The following WDR76 variants were observed in gnomAD, a reference collection of about 807,000 sequenced individuals.
The protein encoded by WDR76 is WD repeat domain 76.
In WDR76, 52 loss-of-function variants were observed where a neutral mutation model predicts 70.2. The observed-to-expected ratio is 0.74, with a 90% confidence interval of 0.59 to 0.93. The LOEUF is 0.93. Ranked by LOEUF, WDR76 falls within the 40% of genes least tolerant of loss-of-function variation. The pLI, the probability that WDR76 is intolerant of heterozygous loss-of-function variation, is 0.00. For missense variants in WDR76, 756 were observed against 760.2 expected, an observed-to-expected ratio of 0.99 and a Z score of 0.07; for synonymous variants, 292 against 271.1, an observed-to-expected ratio of 1.08 and a Z score of -0.76.
In WDR76 at chr15:43,836,189, A is replaced by G. The variant is rs1464754038; in HGVS notation, c.581A>G (p.Glu194Gly). The change falls in exon 4 of 13, where the codon GAG becomes GGG. Residue 194 changes from glutamate (E) to glycine (G), a missense_variant. Physicochemically the swap from Glu to Gly is moderately conservative, Grantham distance 98. Transcript: ENST00000263795. ...GCTGCAAGACTCCGTGAAATGATAGAGAAGAGACAGCCTCCTAAATCCAAA... is the reference window on the plus strand; with the variant it reads ...GCTGCAAGACTCCGTGAAATGATAGGGAAGAGACAGCCTCCTAAATCCAAA... Reference protein sequence around the residue: ...ESAARLREMIEKRQPPKSKRK... With the variant: ...ESAARLREMIGKRQPPKSKRK... 4 of 1,609,642 alleles carry G rather than the reference A, an allele frequency of 2.5e-6. No homozygotes were observed. The highest frequency in any genetic ancestry group is 3.4e-6 in the Non-Finnish European group (4 of 1,178,148).
At chr15:43,840,408 A>T (rs2141732238) in intron 5 of WDR76, among the ~76,000 whole-genome samples, 1 of 152,256 alleles carries the variant, frequency 6.6e-6, no homozygotes, top group African/African-American at 2.4e-5. Context: ...TTTCTCACAT[A>T]TTAGGGGCTT....
intron 2 of WDR76, among the ~76,000 whole-genome samples, chr15:43,833,813 T>C (rs2141724907): frequency 6.6e-6 from 1 of 151,978 alleles, no homozygotes; most frequent in Middle Eastern, 3.4e-3. Context: ...ATTTTTGTAT[T>C]TTTAGTAGAG....
intron 4 of WDR76, among the ~76,000 whole-genome samples, chr15:43,837,381 C>T (rs2087670096): frequency 6.6e-6 from 1 of 152,218 alleles, no homozygotes; most frequent in Non-Finnish European, 1.5e-5. Flanking sequence ...AACAGTAGCA[C>T]TGGTCCTGTT....
intron 2 of WDR76, among the ~76,000 whole-genome samples, chr15:43,833,492 G>T (rs911686412): frequency 6.7e-6 from 1 of 149,808 alleles, no homozygotes; most frequent in Non-Finnish European, 1.5e-5. Flanking sequence ...CTAATTTTTT[G>T]TATTTTTTAG....
At chr15:43,827,118 G>A in intron 1 of WDR76, 26 bp downstream of exon 1, 1 of 1,614,154 alleles carries the variant, frequency 6.2e-7, no homozygotes, top group African/African-American at 1.3e-5. Flanking sequence ...GTGCTTCCAA[G>A]GTGTGCTCCT....
Position 43,866,194 on chromosome 15 carries a change from CTG to C in WDR76, c.1687_1688del (p.Val563HisfsTer16), listed in dbSNP as rs774954167. On this transcript the variant is annotated frameshift_variant, in exon 13 of 13. Transcript: ENST00000263795. LOFTEE classifies it high-confidence loss of function. ...CCATGTGGGATCCTAAACAAGAAGA[CTG>C]TGTCATAGTTGGCAGCATGGCCCAT... is the stretch of plus-strand genomic sequence containing the variant. Reference protein sequence around the residue: ...QAMWDPKQEDCVIVGSMAHPR... With the variant: ...QAMWDPKQEDXVIVGSMAHPR... The C allele has an allele frequency of 3.7e-6, 6 of 1,614,064 alleles. No homozygotes were observed. The highest frequency in any genetic ancestry group is 1.6e-4 in the Middle Eastern group (1 of 6,084).
At chr15:43,849,129 C>T (rs1289968779) in intron 8 of WDR76, among the ~76,000 whole-genome samples, 7 of 143,222 alleles carry the variant, frequency 4.9e-5, no homozygotes, top group East Asian at 2.1e-4. Flanking sequence ...GAGCTGAGAT[C>T]GTGCCACTGC....
At chr15:43,846,893 A>G (rs375976802) in intron 8 of WDR76, among the ~76,000 whole-genome samples, 2 of 152,028 alleles carry the variant, frequency 1.3e-5, no homozygotes, top group East Asian at 2.0e-4. Flanking sequence ...ATGGTGGCAC[A>G]TGCCTGTAAT....
intron 4 of WDR76, among the ~76,000 whole-genome samples, chr15:43,836,868 T>TAAAAA (rs779650391): frequency 7.7e-6 from 1 of 129,132 alleles, no homozygotes; most frequent in Non-Finnish European, 1.7e-5. Flanking sequence ...CCATCGCTAC[T>TAAAAA]AAAAAAAAAA....
At chr15:43,861,672 T>TA (rs1283852484) in intron 12 of WDR76, among the ~76,000 whole-genome samples, 2 of 152,180 alleles carry the variant, frequency 1.3e-5, no homozygotes, top group African/African-American at 4.8e-5. Context: ...TTACTCATGT[T>TA]ATCTTATTAA....
In WDR76 at chr15:43,842,621, G is replaced by A; in HGVS notation, c.835-7G>A. ...ACTTAGTTCTTTCATCTCTCCCAAT[G>A]TTTCAGCCAAGTAGTAAGAACACTG... On this transcript the variant is annotated splice_region_variant and splice_polypyrimidine_tract_variant and intron_variant, in intron 6 of 12. Coordinates refer to ENST00000263795, the MANE Select transcript of WDR76 (RefSeq NM_024908.4). 1.2e-6 allele frequency: 2 copies of A among 1,609,302 alleles called. No individual in the cohort carries two copies. The highest frequency in any genetic ancestry group is 1.7e-6 in the Non-Finnish European group (2 of 1,178,502).
intron 8 of WDR76, among the ~76,000 whole-genome samples, chr15:43,845,032 G>A: frequency 7.2e-6 from 1 of 139,516 alleles, no homozygotes; most frequent in Non-Finnish European, 1.6e-5. Context: ...TGTGATCTCG[G>A]CTCACTGCAA....
chr15:43,842,423 A>G lies in WDR76; in HGVS notation c.741A>G (p.Leu247=). 6.2e-7 allele frequency: 1 copy of G among 1,612,996 alleles called. No homozygotes were observed. The highest frequency in any genetic ancestry group is 8.5e-7 in the Non-Finnish European group (1 of 1,179,630). ...PTLVADETPL[L]PPGPLEMTSE... ...TTTATTTTTTATAACAGCCTTTGTT[A>G]CCTCCTGGGCCTTTAGAAATGACTT... is the stretch of plus-strand genomic sequence containing the variant. Residue 247 remains leucine (L), a synonymous_variant, in exon 6 of 13, where the codon TTA becomes TTG. Coordinates refer to ENST00000263795, the MANE Select transcript of WDR76 (RefSeq NM_024908.4).
chr15:43,836,671 A>C (rs935210802), intron 4 of WDR76, among the ~76,000 whole-genome samples: 1 of 152,146 alleles, frequency 6.6e-6, no homozygotes, highest in African/African-American at 2.4e-5. Context: ...TATCTCATTT[A>C]ACTCTGACAA....
At chr15:43,829,500 T>C (rs1057074521) in intron 2 of WDR76, among the ~76,000 whole-genome samples, 401 of 11,512 alleles carry the variant, frequency 0.035, 4 homozygotes, top group African/African-American at 0.049. Flanking sequence ...GCATGGCCAC[T>C]TTTTTTTTTT....
chr15:43,838,219 T>G (rs1324920423), intron 4 of WDR76, among the ~76,000 whole-genome samples: 1 of 151,780 alleles, frequency 6.6e-6, no homozygotes, highest in African/African-American at 2.4e-5. Flanking sequence ...AGAGTCTTGC[T>G]CTGTTGCCCA....
intron 1 of WDR76, 136 bp downstream of exon 1, chr15:43,827,228 C>G (rs2087528688): frequency 9.8e-7 from 1 of 1,020,554 alleles, no homozygotes; most frequent in South Asian, 1.5e-5. Context: ...AGGCCTTCAG[C>G]TTTGACGAAA....
chr15:43,855,851 A>AG (rs2087920078), intron 9 of WDR76, among the ~76,000 whole-genome samples: 1 of 146,348 alleles, frequency 6.8e-6, no homozygotes, highest in Non-Finnish European at 1.5e-5. Context: ...TCTGTCTCAA[A>AG]AAAAAAAAAA....
chr15:43,837,986 C>T (rs1051221968), intron 4 of WDR76, among the ~76,000 whole-genome samples: 1 of 150,436 alleles, frequency 6.6e-6, no homozygotes, highest in African/African-American at 2.5e-5. Flanking sequence ...TGCCATTCTC[C>T]TGCCTCAGCC....
Sources: allele counts gnomAD v4.1 joint callset (sites outside exome capture counted in the v4.1 genomes callset), GRCh38; gene constraint gnomAD v4.1.1; transcripts MANE v1.5; gene names NCBI Gene and HGNC (gene_info 2026-07-23, HGNC 2026-07-21).